The following ABAT variants were observed in gnomAD, a reference collection of about 807,000 sequenced individuals.
ABAT encodes the protein 4-aminobutyrate aminotransferase, mitochondrial.
Under a neutral mutation model 64.6 loss-of-function variants are expected in ABAT, and 45 were observed. That is an observed-to-expected ratio of 0.70 (90% CI 0.55 to 0.89). ABAT has a LOEUF of 0.89. Ranked by LOEUF, ABAT falls within the 40% of genes least tolerant of loss-of-function variation. The probability of loss-of-function intolerance (pLI) is 0.00; values close to 1 mark genes in which losing one functional copy is unlikely to be tolerated. For missense variants in ABAT, 633 were observed against 658.4 expected (o/e 0.96, Z 0.42); for synonymous variants, 297 against 250.5 (o/e 1.19, Z -1.75).
chr16:8,707,104 C>G (rs1198602020), intron 1 of ABAT, among the ~76,000 whole-genome samples: 1 of 152,156 alleles, frequency 6.6e-6, no homozygotes, highest in Non-Finnish European at 1.5e-5. Flanking sequence ...TAAGAAGTGA[C>G]AGGCTAGGGG....
chr16:8,702,915 G>A (rs1033000066), intron 1 of ABAT, among the ~76,000 whole-genome samples: 1 of 152,104 alleles, frequency 6.6e-6, no homozygotes, highest in Non-Finnish European at 1.5e-5. Flanking sequence ...GGGAAATGAT[G>A]GAGGCAGGAA....
At chr16:8,733,905 C>A (rs1379954534) in intron 1 of ABAT, among the ~76,000 whole-genome samples, 1 of 152,224 alleles carries the variant, frequency 6.6e-6, no homozygotes, top group Non-Finnish European at 1.5e-5. Flanking sequence ...CCTTTGGTGA[C>A]TGGCTTATTT....
At chr16:8,691,286 C>T (rs191935614) in intron 1 of ABAT, among the ~76,000 whole-genome samples, 194 of 152,292 alleles carry the variant, frequency 1.3e-3, no homozygotes, top group African/African-American at 4.5e-3. Context: ...ACAGAACTTG[C>T]ACCAGGTCCT....
intron 1 of ABAT, among the ~76,000 whole-genome samples, chr16:8,695,317 A>G (rs2057677807): frequency 6.6e-6 from 1 of 152,222 alleles, no homozygotes; most frequent in Non-Finnish European, 1.5e-5. Context: ...TGAGAAGCAG[A>G]TGGTTCATAC....
rs1359945065 is a variant in ABAT at position 8,783,960 on chromosome 16, T to G, written c.*2530T>G. The G allele has an allele frequency of 6.6e-6, 1 of 152,182 alleles. No homozygotes were observed. The highest frequency in any genetic ancestry group is 1.5e-5 in the Non-Finnish European group (1 of 68,038). 9.4% of individuals were successfully genotyped at this position (152,182 alleles called of 1,614,324 possible). On this transcript the variant is annotated 3_prime_UTR_variant, in exon 16 of 16. Transcript: ENST00000268251. ...TCTTGTTGACTCAGGGCATAATGAG[T>G]TCCTGAGACATGCTCTTTTGGGGGC... is the stretch of plus-strand genomic sequence containing the variant.
intron 2 of ABAT, among the ~76,000 whole-genome samples, chr16:8,739,444 A>G (rs903014335): frequency 1.3e-5 from 2 of 152,204 alleles, no homozygotes; most frequent in Non-Finnish European, 2.9e-5. Flanking sequence ...TGGGCCAGGC[A>G]CAGTGGCCCA....
chr16:8,746,594 T>C (rs1176865718), intron 3 of ABAT, among the ~76,000 whole-genome samples: 1 of 150,750 alleles, frequency 6.6e-6, no homozygotes, highest in Non-Finnish European at 1.5e-5. Context: ...TTGGCCAGGC[T>C]GGTCTTGAAG....
rs137907225 is a variant in ABAT at position 8,709,842 on chromosome 16, G to C, written c.-41-25857G>C. ...GTCAGTTAACTTTTTTTTTTTTTGA[G>C]ACAGGCTCTCACTTTGTCACCCAGG... On this transcript the variant is annotated intron_variant, in intron 1 of 15. Transcript: ENST00000268251. Among the ~76,000 whole-genome samples, 545 of 143,798 alleles carry C rather than the reference G, an allele frequency of 3.8e-3. 4 individuals carry two copies. Among genetic ancestry groups the C allele is most frequent in the African/African-American group, 0.013 (509 of 39,048 alleles). 94.3% of individuals were successfully genotyped at this position (143,798 alleles called of 152,430 possible).
chr16:8,689,620 C>A (rs1008140205), intron 1 of ABAT, among the ~76,000 whole-genome samples: 6 of 152,142 alleles, frequency 3.9e-5, no homozygotes, highest in African/African-American at 1.4e-4. Context: ...TGTGATGGGG[C>A]CACAAAGGGG....
chr16:8,769,420 G>C (rs1010086000), intron 11 of ABAT, among the ~76,000 whole-genome samples: 5 of 151,974 alleles, frequency 3.3e-5, no homozygotes, highest in African/African-American at 4.8e-5. Context: ...TTAGCTGGGT[G>C]TGGTGGCACA....
At chr16:8,763,596 G>C (rs11074712) in intron 6 of ABAT, among the ~76,000 whole-genome samples, 93,272 of 151,984 alleles carry the variant, frequency 0.61, 32,940 homozygotes, top group East Asian at 0.82. Flanking sequence ...CAGAGAAAAG[G>C]TTTCACCATG....
intron 6 of ABAT, among the ~76,000 whole-genome samples, chr16:8,760,766 C>T (rs1171037759): frequency 6.6e-6 from 1 of 152,230 alleles, no homozygotes; most frequent in African/African-American, 2.4e-5. Context: ...TCCTCAACAA[C>T]ACACGACGTC....
chr16:8,686,632 C>T (rs1244845711), intron 1 of ABAT, among the ~76,000 whole-genome samples: 1 of 152,138 alleles, frequency 6.6e-6, no homozygotes, highest in Non-Finnish European at 1.5e-5. Flanking sequence ...ATGACTGACT[C>T]GCCCAGGGTC....
chr16:8,720,267 AG>A (rs1169217539), intron 1 of ABAT, among the ~76,000 whole-genome samples: 3 of 152,224 alleles, frequency 2.0e-5, no homozygotes, highest in African/African-American at 7.2e-5. Context: ...TTACAGATGC[AG>A]AAACTAAGGC....
At chr16:8,763,066 G>A (rs1223924682) in intron 6 of ABAT, among the ~76,000 whole-genome samples, 2 of 146,892 alleles carry the variant, frequency 1.4e-5, no homozygotes, top group South Asian at 2.2e-4. Context: ...CTGATATCAC[G>A]CTACTGCACT....
chr16:8,702,321 T>G (rs2142029618), intron 1 of ABAT, among the ~76,000 whole-genome samples: 1 of 152,126 alleles, frequency 6.6e-6, no homozygotes, highest in East Asian at 1.9e-4. Context: ...GGCACGATCT[T>G]GGCTCACTGC....
chr16:8,779,477 A>C lies in ABAT; in HGVS notation c.1270-2A>C. 6.2e-7 allele frequency: 1 copy of C among 1,613,840 alleles called. No homozygotes were observed. The highest frequency in any genetic ancestry group is 8.5e-7 in the Non-Finnish European group (1 of 1,179,786). On this transcript the variant is annotated splice_acceptor_variant, in intron 14 of 15. Transcript: ENST00000268251. LOFTEE classifies it high-confidence loss of function. ...CGCCAGCCTTGTCTCCTCCCACTACAGGCCCGGTACCCCCAGTTCATCAGC... is the reference window on the plus strand; with the variant it reads ...CGCCAGCCTTGTCTCCTCCCACTACCGGCCCGGTACCCCCAGTTCATCAGC...
At chr16:8,775,167 C>T (rs971274415) in intron 13 of ABAT, 110 bp downstream of exon 13, 10 of 1,439,850 alleles carry the variant, frequency 6.9e-6, no homozygotes, top group African/African-American at 1.4e-5. Flanking sequence ...CTTACTGGGT[C>T]GCAGGTTTTC....
intron 1 of ABAT, among the ~76,000 whole-genome samples, chr16:8,724,157 A>G (rs751980214): frequency 1.3e-5 from 2 of 151,894 alleles, no homozygotes; most frequent in Admixed American, 6.6e-5. Context: ...TTTATATTCT[A>G]AAACCCAGGC....
Sources: allele counts gnomAD v4.1 joint callset (sites outside exome capture counted in the v4.1 genomes callset), GRCh38; gene constraint gnomAD v4.1.1; transcripts MANE v1.5; gene names NCBI Gene and HGNC (gene_info 2026-07-23, HGNC 2026-07-21).